Variants in SWT1 observed in about 807,000 individuals in gnomAD.
SWT1 encodes transcriptional protein SWT1.
In SWT1, 33 loss-of-function variants were observed where a neutral mutation model predicts 107.3. The observed-to-expected ratio is 0.31, with a 90% confidence interval of 0.23 to 0.41. The LOEUF is 0.41. SWT1 is among the 10% of genes least tolerant of loss of function. The pLI, the probability that SWT1 is intolerant of heterozygous loss-of-function variation, is 1.00. For synonymous variants in SWT1, 345 were observed against 348.3 expected (o/e 0.99, Z 0.11); for missense variants, 898 against 1,028.9 (o/e 0.87, Z 1.74).
intron 3 of SWT1, among the ~76,000 whole-genome samples, chr1:185,166,962 C>T (rs575519338): frequency 2.0e-5 from 3 of 152,190 alleles, no homozygotes; most frequent in South Asian, 4.1e-4. Flanking sequence ...GGCTGGAGTG[C>T]AGTGGTGCCA....
At chr1:185,245,368 G>T (rs1273001516) in intron 16 of SWT1, among the ~76,000 whole-genome samples, 1 of 152,102 alleles carries the variant, frequency 6.6e-6, no homozygotes, top group African/African-American at 2.4e-5. Context: ...CCCACTGGAA[G>T]GTCCTCAGAG....
chr1:185,159,335 A>G (rs926360984), intron 1 of SWT1, among the ~76,000 whole-genome samples: 1 of 152,210 alleles, frequency 6.6e-6, no homozygotes, highest in African/African-American at 2.4e-5. Context: ...ATTTCACACT[A>G]GTATGAATAT....
In SWT1 at chr1:185,286,373, G is replaced by T. The variant is rs372499207; in HGVS notation, c.2574-4301G>T. Among the ~76,000 whole-genome samples, 3 of 152,078 alleles carry T rather than the reference G, an allele frequency of 2.0e-5. No individual in the cohort carries two copies. The South Asian group carries it at 6.2e-4, about 32-fold the overall frequency. ...TGAGTAGCTGGGATTACAGGTGCACGCCACCAGGCCCGGCTAATTTTTGTA... is the reference window on the plus strand; with the variant it reads ...TGAGTAGCTGGGATTACAGGTGCACTCCACCAGGCCCGGCTAATTTTTGTA... On this transcript the variant is annotated intron_variant, in intron 18 of 18. Transcript: ENST00000367500.
At chr1:185,279,241 G>C (rs1387615399) in intron 18 of SWT1, among the ~76,000 whole-genome samples, 1 of 152,124 alleles carries the variant, frequency 6.6e-6, no homozygotes, top group African/African-American at 2.4e-5. Context: ...ATTTTTTAGT[G>C]TAAAAAGCTT....
Position 185,198,109 on chromosome 1 carries a change from C to T in SWT1, c.1524-4545C>T, listed in dbSNP as rs575064831. Among the ~76,000 whole-genome samples the T allele has an allele frequency of 5.8e-4, 89 of 152,234 alleles. 3 individuals carry two copies. The South Asian group carries it at 0.018, about 31-fold the overall frequency. The stretch of plus-strand genomic sequence containing the variant: ...AATTTCCCTCTAAACACTGCTTTAG[C>T]TGTGTCCCAGAGATTCTGTAACATT... On this transcript the variant is annotated intron_variant, in intron 10 of 18. Coordinates refer to ENST00000367500, the MANE Select transcript of SWT1 (RefSeq NM_017673.7).
rs780210111 is a variant in SWT1, at chr1:185,168,380, G to A, written c.206G>A (p.Arg69Lys). The part of the protein sequence containing the change: ...HTDVLYYNIK[R>K]RQGLKRLSVE... ...GATGTTCTGTACTATAATATAAAAA[G>A]AAGACAAGGACTGAAAAGGTAAATT... The change falls in exon 4 of 19, where the codon AGA (arginine) becomes AAA (lysine). Residue 69 changes from arginine (R) to lysine (K), a missense_variant. Coordinates refer to ENST00000367500, the MANE Select transcript of SWT1 (RefSeq NM_017673.7). 1.4e-6 allele frequency: 2 copies of A among 1,384,432 alleles called. No individual in the cohort carries two copies. Among genetic ancestry groups the A allele is most frequent in the Non-Finnish European group, 1.9e-6 (2 of 1,030,800 alleles). 85.8% of individuals were successfully genotyped at this position (1,384,432 alleles called of 1,614,324 possible). A position where few individuals can be genotyped will look rare whatever the true frequency, so the allele number is the denominator to read the frequency against.
At chr1:185,230,194 T>C (rs535395658) in intron 15 of SWT1, among the ~76,000 whole-genome samples, 5 of 152,346 alleles carry the variant, frequency 3.3e-5, no homozygotes, top group African/African-American at 1.2e-4. Flanking sequence ...GTAGTCAACA[T>C]TGTGAATTTA....
In SWT1 at chr1:185,214,657, T is replaced by TAAGG; in HGVS notation, c.2121+5_2121+6insGAAG. ...AACCTCCTTCAGACATTTGCAGAGG[T>TAAGG]AAGATGCCTTTGGAATGCCAGTTAG... On this transcript the variant is annotated splice_region_variant and intron_variant, in intron 14 of 18. Coordinates refer to ENST00000367500, the MANE Select transcript of SWT1 (RefSeq NM_017673.7). 1 of 1,601,182 alleles carries TAAGG rather than the reference T, an allele frequency of 6.2e-7. No individual in the cohort carries two copies. Among genetic ancestry groups the TAAGG allele is most frequent in the Non-Finnish European group, 8.5e-7 (1 of 1,175,678 alleles).
At chr1:185,185,505 G>T (rs1347778233) in intron 9 of SWT1, among the ~76,000 whole-genome samples, 1 of 151,924 alleles carries the variant, frequency 6.6e-6, no homozygotes, top group Non-Finnish European at 1.5e-5. Flanking sequence ...ATATATAAAG[G>T]AACACTTATT....
intron 2 of SWT1, among the ~76,000 whole-genome samples, chr1:185,165,094 T>C (rs1264038026): frequency 2.0e-5 from 3 of 152,278 alleles, no homozygotes; most frequent in Non-Finnish European, 4.4e-5. Context: ...TCTCAGGGAA[T>C]AGAGAGGCCT....
intron 16 of SWT1, among the ~76,000 whole-genome samples, chr1:185,250,979 T>C (rs1397455691): frequency 6.6e-6 from 1 of 152,230 alleles, no homozygotes; most frequent in Admixed American, 6.5e-5. Context: ...TATTTTTCTT[T>C]GTTTGACATG....
chr1:185,256,996 A>G (rs1662592603), intron 16 of SWT1, among the ~76,000 whole-genome samples: 1 of 151,962 alleles, frequency 6.6e-6, no homozygotes, highest in South Asian at 2.1e-4. Flanking sequence ...TTTTCCTTCT[A>G]ACAGACAGGA....
intron 9 of SWT1, among the ~76,000 whole-genome samples, chr1:185,189,122 G>A (rs1656731917): frequency 2.0e-5 from 3 of 151,944 alleles, no homozygotes; most frequent in Non-Finnish European, 4.4e-5. Flanking sequence ...GGGACTATAT[G>A]ACTACAGGAG....
At chr1:185,277,954 G>C (rs1664355430) in intron 18 of SWT1, among the ~76,000 whole-genome samples, 1 of 151,800 alleles carries the variant, frequency 6.6e-6, no homozygotes, top group Admixed American at 6.6e-5. Flanking sequence ...TAACAAAAAG[G>C]GCAAGTATTA....
At chr1:185,162,261 A>G (rs1427395806) in intron 2 of SWT1, among the ~76,000 whole-genome samples, 4 of 152,196 alleles carry the variant, frequency 2.6e-5, no homozygotes, top group Non-Finnish European at 4.4e-5. Context: ...TAACTCCTAT[A>G]GCAGTGGTTT....
At chr1:185,171,617 T>C (rs1317378417) in intron 4 of SWT1, 1 of 518,758 alleles carries the variant, frequency 1.9e-6, no homozygotes, top group African/African-American at 2.0e-5. Context: ...CCATGATCCG[T>C]CTTCTATGGG....
intron 10 of SWT1, among the ~76,000 whole-genome samples, chr1:185,201,944 A>G (rs1657916017): frequency 6.6e-6 from 1 of 151,114 alleles, no homozygotes; most frequent in Non-Finnish European, 1.5e-5. Flanking sequence ...AATAGTTAAT[A>G]TATTTTTTTT....
intron 16 of SWT1, among the ~76,000 whole-genome samples, chr1:185,253,020 C>T (rs1414707980): frequency 2.1e-5 from 3 of 139,790 alleles, no homozygotes; most frequent in Non-Finnish European, 4.6e-5. Flanking sequence ...GTTTTCCCAG[C>T]ACCATTTATT....
chr1:185,202,572 A>G, intron 10 of SWT1, 82 bp from the exon 11 acceptor site: 2 of 1,192,586 alleles, frequency 1.7e-6, no homozygotes, highest in Admixed American at 2.1e-5. Flanking sequence ...GCCTCTGACT[A>G]GATCTCATGT....
Sources: gnomAD v4.1 joint callset for allele counts (sites outside exome capture counted in the v4.1 genomes callset) on GRCh38, gnomAD v4.1.1 for gene constraint, MANE v1.5 for transcripts, NCBI Gene and HGNC (gene_info 2026-07-23, HGNC 2026-07-21) for gene names.